The following BUD31 variants were observed in gnomAD, a reference collection of about 807,000 sequenced individuals.
The protein encoded by BUD31 is protein BUD31 homolog.
Under a neutral mutation model 17.9 loss-of-function variants are expected in BUD31, and 9 were observed. The ratio of observed to expected loss-of-function variants is 0.50; its 90% CI spans 0.30 to 0.88. The LOEUF is 0.88. Ranked by LOEUF, BUD31 falls within the 40% of genes least tolerant of loss-of-function variation. BUD31 has a pLI of 0.06. For synonymous variants in BUD31, 70 were observed against 64.7 expected, an observed-to-expected ratio of 1.08 and a Z score of -0.39; for missense variants, 148 against 184.5, an observed-to-expected ratio of 0.80 and a Z score of 1.15.
Position 99,416,230 on chromosome 7 carries a change from C to A in BUD31, c.187C>A (p.Leu63Ile). ...CCAGAAAACCCGCTACATCTTCGAC[C>A]TCTTTTACAAGCGGAAAGCCATCAG... Reference protein sequence around the residue: ...HHQKTRYIFDLFYKRKAISRE... With the variant: ...HHQKTRYIFDIFYKRKAISRE... The change falls in exon 4 of 6, where the codon CTC (leucine) becomes ATC (isoleucine). Residue 63 changes from leucine to isoleucine, a missense_variant. By Grantham distance (5) the Leu-to-Ile change is conservative. Transcript: ENST00000222969. The A allele has an allele frequency of 6.2e-7, 1 of 1,613,972 alleles. No homozygotes were observed. The highest frequency in any genetic ancestry group is 8.5e-7 in the Non-Finnish European group (1 of 1,179,904).
chr7:99,410,247 C>G (rs1300017972), intron 2 of BUD31, 78 bp downstream of exon 2: 1 of 152,052 alleles, frequency 6.6e-6, no homozygotes, highest in Non-Finnish European at 1.5e-5. Flanking sequence ...GACATGGTCT[C>G]ACTCCGTCAC....
In BUD31 at chr7:99,419,275, G is replaced by C. The variant is rs11555143; in HGVS notation, c.385-116G>C. The C allele has an allele frequency of 6.4e-3, 8,293 of 1,288,200 alleles. 38 individuals carry two copies. The highest frequency in any genetic ancestry group is 8.4e-3 in the Admixed American group (487 of 57,820). 79.8% of individuals were successfully genotyped at this position (1,288,200 alleles called of 1,614,324 possible). A position where few individuals can be genotyped will look rare whatever the true frequency, so the allele number is the denominator to read the frequency against. ...AGAGCTGTCAAGGAAGGGTTTCTGA[G>C]GTGTGTCCCTATATGGCATGGTGGC... On this transcript the variant is annotated intron_variant, in intron 5 of 5. Coordinates refer to ENST00000222969, the MANE Select transcript of BUD31 (RefSeq NM_003910.4).
intron 3 of BUD31, chr7:99,411,966 A>G (rs1795207464): frequency 6.8e-6 from 2 of 295,752 alleles, no homozygotes; most frequent in Admixed American, 4.8e-5. Context: ...TCGGCCTCCC[A>G]AAGTGATGGG....
At chr7:99,417,284 C>T in intron 4 of BUD31, 145 bp from the exon 5 acceptor site, 1 of 737,952 alleles carries the variant, frequency 1.4e-6, no homozygotes, top group East Asian at 2.8e-5. Context: ...AACTCCTGAC[C>T]TCAGGTGATC....
chr7:99,410,301 T>G (rs1795124728), intron 2 of BUD31, 132 bp downstream of exon 2: 1 of 152,092 alleles, frequency 6.6e-6, no homozygotes, highest in Non-Finnish European at 1.5e-5. Context: ...ACTGAAGACT[T>G]TCAACCTCCT....
chr7:99,414,131 ATTTTTTAT>A (rs1253085666), intron 3 of BUD31, among the ~76,000 whole-genome samples: 2 of 150,566 alleles, frequency 1.3e-5, no homozygotes, highest in Non-Finnish European at 2.9e-5. Context: ...TACTTAGCTT[ATTTTTTAT>A]TTTTTTATTT....
intron 1 of BUD31, among the ~76,000 whole-genome samples, chr7:99,409,769 C>CGGGGGGGGGGGTTTGGGGGG (rs370621425): frequency 2.1e-5 from 1 of 48,716 alleles, no homozygotes; most frequent in Non-Finnish European, 4.9e-5. Flanking sequence ...GCTCTGTGGG[C>CGGGGGGGGGGGTTTGGGGGG]GGGGGGGGGG....
chr7:99,419,546 C>T lies in BUD31; in HGVS notation c.*105C>T, dbSNP rs184571644. ...AGTGCCCCAGGCCCGAGTTGGAGCA[C>T]GGTCTCTATGGGGAAGGCTTCGCTG... On this transcript the variant is annotated 3_prime_UTR_variant, in exon 6 of 6. Coordinates refer to ENST00000222969, the MANE Select transcript of BUD31 (RefSeq NM_003910.4). 367 of 1,331,390 alleles carry T rather than the reference C, an allele frequency of 2.8e-4. 1 individual carries two copies. The highest frequency in any genetic ancestry group is 6.7e-4 in the Admixed American group (39 of 57,818). The allele number at this position is 1,331,390 out of a possible 1,614,324, so 82.5% of individuals were successfully genotyped here.
chr7:99,412,868 G>A (rs1795244206), intron 3 of BUD31, among the ~76,000 whole-genome samples: 2 of 150,720 alleles, frequency 1.3e-5, no homozygotes, highest in Admixed American at 6.6e-5. Flanking sequence ...TGATCCACCC[G>A]CCTCAGGCTC....
In BUD31 at chr7:99,419,414, CTG is replaced by C. The variant is rs1795694800; in HGVS notation, c.411_412del (p.Cys137TrpfsTer?). ...EVGRIIECTH[C>X]GCRGCSG is the part of the protein sequence containing the mutation. ...AGGGCCGCATCATCGAGTGCACACA[CTG>C]TGGCTGTCGTGGCTGCTCTGGCTGA... On this transcript the variant is annotated frameshift_variant, in exon 6 of 6. Transcript: ENST00000222969. LOFTEE classifies it high-confidence loss of function. The C allele has an allele frequency of 2.5e-6, 4 of 1,613,172 alleles. No homozygotes were observed. The highest frequency in any genetic ancestry group is 3.4e-6 in the Non-Finnish European group (4 of 1,180,026).
rs1337100934 is a variant in BUD31, at chr7:99,419,556, G to C, written c.*115G>C. ...GCCCGAGTTGGAGCACGGTCTCTAT[G>C]GGGAAGGCTTCGCTGTCTATCAGCT... On this transcript the variant is annotated 3_prime_UTR_variant, in exon 6 of 6. Coordinates refer to ENST00000222969, the MANE Select transcript of BUD31 (RefSeq NM_003910.4). The C allele has an allele frequency of 2.5e-6, 3 of 1,216,458 alleles. No individual in the cohort carries two copies. The highest frequency in any genetic ancestry group is 3.6e-6 in the Non-Finnish European group (3 of 840,936). The allele number at this position is 1,216,458 out of a possible 1,614,324, so 75.4% of individuals were successfully genotyped here. A position where few individuals can be genotyped will look rare whatever the true frequency, so the allele number is the denominator to read the frequency against.
chr7:99,409,316 C>G lies in BUD31; in HGVS notation c.-166+71C>G, dbSNP rs929856394. The G allele has an allele frequency of 3.3e-5, 5 of 152,418 alleles. No individual in the cohort carries two copies. In the East Asian group the frequency reaches 7.7e-4, roughly 23 times the overall value. 9.4% of individuals were successfully genotyped at this position (152,418 alleles called of 1,614,324 possible). A position where few individuals can be genotyped will look rare whatever the true frequency, so the allele number is the denominator to read the frequency against. The stretch of plus-strand genomic sequence containing the variant: ...AGATGCTGTCCTTTTTATGAGTTTT[C>G]CCTACAATCCTGCACTATCTTCCTT... On this transcript the variant is annotated intron_variant, in intron 1 of 5. Coordinates refer to ENST00000222969, the MANE Select transcript of BUD31 (RefSeq NM_003910.4).
chr7:99,409,766 G>T (rs1352212463), intron 1 of BUD31, among the ~76,000 whole-genome samples: 1 of 128,022 alleles, frequency 7.8e-6, no homozygotes, highest in Non-Finnish European at 1.6e-5. Flanking sequence ...GAGGCTCTGT[G>T]GGCGGGGGGG....
intron 1 of BUD31, among the ~76,000 whole-genome samples, chr7:99,409,772 G>GGA (rs936326133): frequency 7.5e-6 from 1 of 133,526 alleles, no homozygotes; most frequent in East Asian, 2.6e-4. Context: ...CTGTGGGCGG[G>GGA]GGGGGGGTGG....
chr7:99,415,185 C>A, intron 3 of BUD31: 2 of 452,156 alleles, frequency 4.4e-6, no homozygotes, highest in South Asian at 3.1e-5. Context: ...CGGTAGTGGC[C>A]CCAAATGCCA....
At chr7:99,413,662 G>A (rs1795273670) in intron 3 of BUD31, among the ~76,000 whole-genome samples, 1 of 152,172 alleles carries the variant, frequency 6.6e-6, no homozygotes, top group African/African-American at 2.4e-5. Flanking sequence ...CACAATGTCA[G>A]CTAACTGCAA....
intron 4 of BUD31, among the ~76,000 whole-genome samples, chr7:99,416,573 C>T (rs1484897303): frequency 6.6e-6 from 1 of 152,122 alleles, no homozygotes; most frequent in East Asian, 1.9e-4. Context: ...CACCTGCCAC[C>T]ACACCTGGCC....
At position 99,409,211 on chromosome 7, in the gene BUD31, G is replaced by A. The variant is rs1795065828; in HGVS notation, c.-200G>A. 1.3e-5 allele frequency: 2 copies of A among 152,344 alleles called. No homozygotes were observed. Among genetic ancestry groups the A allele is most frequent in the Non-Finnish European group, 2.9e-5 (2 of 68,168 alleles). The allele number at this position is 152,344 out of a possible 1,614,324, so 9.4% of individuals were successfully genotyped here. ...CTTCTGAGGGGACGGTAGATTTGGG[G>A]GTTTTCCTCTAGGATTCTCGCGCCG... is the stretch of plus-strand genomic sequence containing the variant. On this transcript the variant is annotated 5_prime_UTR_variant, in exon 1 of 6. Coordinates refer to ENST00000222969, the MANE Select transcript of BUD31 (RefSeq NM_003910.4).
In BUD31 at chr7:99,417,511, G is replaced by T; in HGVS notation, c.300G>T (p.Leu100Phe). The T allele has an allele frequency of 6.2e-7, 1 of 1,611,700 alleles. No individual in the cohort carries two copies. Among genetic ancestry groups the T allele is most frequent in the Non-Finnish European group, 8.5e-7 (1 of 1,178,322 alleles). The change falls in exon 5 of 6, where the codon TTG (leucine) becomes TTT (phenylalanine). Residue 100 changes from leucine to phenylalanine, a missense_variant. Transcript: ENST00000222969. Reference sequence around the variant, plus strand: ...GGAAAAAGCAAGGATATGAGAACTTGTGCTGCCTGCGGTGCATTCAGACAC... The same window carrying T: ...GGAAAAAGCAAGGATATGAGAACTTTTGCTGCCTGCGGTGCATTCAGACAC... ...AKWKKQGYEN[L>F]CCLRCIQTRD...
Sources: allele counts gnomAD v4.1 joint callset (sites outside exome capture counted in the v4.1 genomes callset), GRCh38; gene constraint gnomAD v4.1.1; transcripts MANE v1.5; gene names NCBI Gene and HGNC (gene_info 2026-07-23, HGNC 2026-07-21).